The following ASTN2 variants were observed in gnomAD, a reference collection of about 807,000 sequenced individuals.
The protein encoded by ASTN2 is astrotactin-2.
Under a neutral mutation model 139.8 loss-of-function variants are expected in ASTN2, and 54 were observed. That is an observed-to-expected ratio of 0.39 (90% CI 0.31 to 0.48). ASTN2 has a LOEUF of 0.48. Among genes scored for constraint, ASTN2 ranks in the 20% least tolerant of loss-of-function variants. The probability of loss-of-function intolerance (pLI) is 0.95; values close to 1 mark genes in which losing one functional copy is unlikely to be tolerated. For missense variants in ASTN2, 1,565 were observed against 1,725.1 expected (o/e 0.91, Z 1.64); for synonymous variants, 756 against 719.5 (o/e 1.05, Z -0.81).
intron 5 of ASTN2, among the ~76,000 whole-genome samples, chr9:117,075,603 T>C (rs1175170806): frequency 6.6e-6 from 1 of 152,162 alleles, no homozygotes; most frequent in Non-Finnish European, 1.5e-5. Context: ...GAATTCAGAC[T>C]ACCTTTCACA....
chr9:117,143,660 C>T (rs910165736), intron 3 of ASTN2, among the ~76,000 whole-genome samples: 14 of 152,136 alleles, frequency 9.2e-5, no homozygotes, highest in Admixed American at 9.2e-4. Flanking sequence ...AAACAACAGA[C>T]ATTTATTTTT....
chr9:116,504,120 T>C (rs1450197340), intron 19 of ASTN2, among the ~76,000 whole-genome samples: 1 of 152,176 alleles, frequency 6.6e-6, no homozygotes, highest in South Asian at 2.1e-4. Context: ...GGTGCCTCTG[T>C]GCAAATTGGA....
At chr9:117,100,307 G>T (rs376113559) in intron 4 of ASTN2, among the ~76,000 whole-genome samples, 1 of 145,340 alleles carries the variant, frequency 6.9e-6, no homozygotes, top group Non-Finnish European at 1.5e-5. Context: ...TGTGTTCAGA[G>T]TGAAAACTGA....
At position 116,455,735 on chromosome 9, in the gene ASTN2, T is replaced by C. The variant is rs560043644; in HGVS notation, c.3498-13182A>G. ...AAAGGCCCAAGCCATCCTTAAAATC[T>C]AAAAAGTAAAAAAAAAATAGCATCC... On this transcript the variant is annotated intron_variant, in intron 20 of 22. Transcript: ENST00000313400. 1.6e-4 allele frequency among the ~76,000 whole-genome samples: 23 copies of C among 147,972 alleles called. No individual in the cohort carries two copies. The South Asian group carries it at 5.0e-3, about 32-fold the overall frequency.
intron 22 of ASTN2, among the ~76,000 whole-genome samples, chr9:116,436,052 A>C (rs1379345078): frequency 6.6e-6 from 1 of 152,210 alleles, no homozygotes; most frequent in African/African-American, 2.4e-5. Flanking sequence ...TCCGCACTAG[A>C]TGCTGAACCT....
intron 16 of ASTN2, among the ~76,000 whole-genome samples, chr9:116,677,724 T>C (rs7850033): frequency 0.041 from 6,214 of 152,260 alleles, 418 homozygotes; most frequent in African/African-American, 0.14. Context: ...TCCCATAGTA[T>C]TTCCCTCCTT....
intron 1 of ASTN2, among the ~76,000 whole-genome samples, chr9:117,380,472 T>C (rs1021823800): frequency 6.6e-6 from 1 of 151,526 alleles, no homozygotes; most frequent in South Asian, 2.1e-4. Context: ...GGGGGTGGTG[T>C]TGTGCGCCTG....
chr9:116,467,963 G>A (rs1010405298), intron 20 of ASTN2, among the ~76,000 whole-genome samples: 14 of 152,154 alleles, frequency 9.2e-5, no homozygotes, highest in South Asian at 4.1e-4. Flanking sequence ...GCCACACAAC[G>A]TTGGCTAGGT....
At chr9:117,303,115 T>A (rs1285187285) in intron 1 of ASTN2, among the ~76,000 whole-genome samples, 1 of 152,126 alleles carries the variant, frequency 6.6e-6, no homozygotes, top group African/African-American at 2.4e-5. Context: ...GGCTTCTACT[T>A]CCTTCCCTGA....
intron 4 of ASTN2, among the ~76,000 whole-genome samples, chr9:117,103,713 T>C (rs1829036203): frequency 6.6e-6 from 1 of 152,168 alleles, no homozygotes; most frequent in Non-Finnish European, 1.5e-5. Context: ...GTGACAGTGA[T>C]ATTGCATTTT....
chr9:116,474,049 G>A (rs909067005), intron 20 of ASTN2, among the ~76,000 whole-genome samples: 5 of 152,284 alleles, frequency 3.3e-5, no homozygotes, highest in South Asian at 2.1e-4. Flanking sequence ...TACCCTCACT[G>A]TACAGATATA....
rs992594401 is a variant in ASTN2 at position 117,069,287 on chromosome 9, A to T, written c.1276+26757T>A. ...ATGTACCCAGTAGTCACTCAGGAGCAGGTTGTTCAGTTTCCATGTAGTTGA... is the reference window on the plus strand; with the variant it reads ...ATGTACCCAGTAGTCACTCAGGAGCTGGTTGTTCAGTTTCCATGTAGTTGA... On this transcript the variant is annotated intron_variant, in intron 5 of 22. Coordinates refer to ENST00000313400, the MANE Select transcript of ASTN2 (RefSeq NM_001365068.1). Among the ~76,000 whole-genome samples, 32 of 108,086 alleles carry T rather than the reference A, an allele frequency of 3.0e-4. 4 individuals are homozygous for T. The highest frequency in any genetic ancestry group is 2.3e-3 in the Admixed American group (26 of 11,378). 70.9% of individuals were successfully genotyped at this position (108,086 alleles called of 152,430 possible).
At position 117,190,273 on chromosome 9, in the gene ASTN2, C is replaced by A. The variant is rs1831310935; in HGVS notation, c.1015+24085G>T. Among the ~76,000 whole-genome samples the A allele has an allele frequency of 2.0e-5, 3 of 152,162 alleles. No individual in the cohort carries two copies. In the South Asian group the frequency reaches 6.2e-4, roughly 32 times the overall value. On this transcript the variant is annotated intron_variant, in intron 3 of 22. Transcript: ENST00000313400. ...AAATTTTCCAATTTATATATATTAA[C>A]AACTGAATTCAAAAATATACCCTGT...
At chr9:116,911,984 C>T (rs1564337423) in intron 10 of ASTN2, among the ~76,000 whole-genome samples, 1 of 152,154 alleles carries the variant, frequency 6.6e-6, no homozygotes, top group African/African-American at 2.4e-5. Flanking sequence ...AAAAACTTGC[C>T]TAGAAACAAC....
At chr9:116,688,284 G>T (rs1860376726) in intron 16 of ASTN2, among the ~76,000 whole-genome samples, 1 of 152,100 alleles carries the variant, frequency 6.6e-6, no homozygotes, top group Non-Finnish European at 1.5e-5. Context: ...GTTTGGAGAG[G>T]ATTGAATCGT....
intron 5 of ASTN2, among the ~76,000 whole-genome samples, chr9:117,084,966 T>C (rs760333294): frequency 6.6e-6 from 1 of 152,184 alleles, no homozygotes; most frequent in Non-Finnish European, 1.5e-5. Flanking sequence ...ACAGCTCTTC[T>C]TCCCACACAG....
chr9:116,512,705 A>G (rs1335631536), intron 19 of ASTN2, among the ~76,000 whole-genome samples: 1 of 152,176 alleles, frequency 6.6e-6, no homozygotes, highest in Non-Finnish European at 1.5e-5. Flanking sequence ...GTGCATGTAT[A>G]TTTAGGACAG....
At chr9:116,537,142 A>G (rs1244239691) in intron 19 of ASTN2, among the ~76,000 whole-genome samples, 2 of 152,208 alleles carry the variant, frequency 1.3e-5, no homozygotes, top group African/African-American at 4.8e-5. Flanking sequence ...CATGGGCATG[A>G]GACCCTCCGA....
At chr9:116,862,681 A>G (rs1168515604) in intron 11 of ASTN2, among the ~76,000 whole-genome samples, 3 of 150,472 alleles carry the variant, frequency 2.0e-5, no homozygotes, top group Non-Finnish European at 4.4e-5. Context: ...AAATGAAGCG[A>G]TAAGAGATGT....
Sources: gnomAD v4.1 joint callset for allele counts (sites outside exome capture counted in the v4.1 genomes callset) on GRCh38, gnomAD v4.1.1 for gene constraint, MANE v1.5 for transcripts, NCBI Gene and HGNC (gene_info 2026-07-23, HGNC 2026-07-21) for gene names.